The following RPS6KA6 variants were observed in gnomAD, a reference collection of about 807,000 sequenced individuals.
RPS6KA6 encodes the protein ribosomal protein S6 kinase A6.
A neutral mutation model predicts 65.4 loss-of-function variants in RPS6KA6; 27 were observed. The observed-to-expected ratio is 0.41, with a 90% confidence interval of 0.30 to 0.57. RPS6KA6 has a LOEUF of 0.57. Ranked by LOEUF, RPS6KA6 falls within the 20% of genes least tolerant of loss-of-function variation. The probability of loss-of-function intolerance (pLI) is 0.24; values close to 1 mark genes in which losing one functional copy is unlikely to be tolerated. For synonymous variants in RPS6KA6, 190 were observed against 184.2 expected (o/e 1.03, Z -0.26); for missense variants, 486 against 555.6 (o/e 0.87, Z 1.26).
At chrX:84,166,782 T>C (rs769719608) in intron 1 of RPS6KA6, among the ~76,000 whole-genome samples, 2 of 111,555 alleles carry the variant, frequency 1.8e-5, no homozygotes, top group South Asian at 7.5e-4. Context: ...ATGGAGGTCA[T>C]AACTAAAGGG....
chrX:84,064,333 C>T lies in RPS6KA6; in HGVS notation c.2182G>A (p.Ala728Thr). ...CTCCGTCGCTGGGCTAAGCTTGAAG[C>T]AGCTACAGGCTCTAGGACTGGTTGA... Reference protein sequence around the residue: ...TFQPVLEPVAASSLAQRRSMK... With the variant: ...TFQPVLEPVATSSLAQRRSMK... The change falls in exon 22 of 22, where the codon GCT becomes ACT. Residue 728 changes from alanine (A) to threonine (T), a missense_variant. Ala to Thr is a moderately conservative substitution (Grantham distance 58). Coordinates refer to ENST00000262752, the MANE Select transcript of RPS6KA6 (RefSeq NM_014496.5). The T allele has an allele frequency of 8.3e-7, 1 of 1,208,215 alleles. No individual in the cohort carries two copies. Among genetic ancestry groups the T allele is most frequent in the Non-Finnish European group, 1.1e-6 (1 of 893,638 alleles).
In RPS6KA6 at chrX:84,059,013, T is replaced by C. The variant is rs2147300391; in HGVS notation, c.*5264A>G. On this transcript the variant is annotated 3_prime_UTR_variant, in exon 22 of 22. Transcript: ENST00000262752. ...AAAAACCACCTTCTCCTTTTTTTTG[T>C]ACTATGGAATTTAATGCAAGATAAA... 2 of 107,672 alleles carry C rather than the reference T, an allele frequency of 1.9e-5. No individual in the cohort carries two copies. Among genetic ancestry groups the C allele is most frequent in the Non-Finnish European group, 3.8e-5 (2 of 52,131 alleles). The allele number at this position is 107,672 out of a possible 1,213,427, so 8.9% of individuals were successfully genotyped here.
intron 6 of RPS6KA6, among the ~76,000 whole-genome samples, chrX:84,137,901 C>T (rs889753259): frequency 6.3e-5 from 7 of 111,487 alleles, no homozygotes; most frequent in African/African-American, 2.3e-4. Context: ...GTTCAGTAAT[C>T]CTTAATTTTT....
At chrX:84,153,097 A>T (rs1037591165) in intron 3 of RPS6KA6, among the ~76,000 whole-genome samples, 2 of 111,592 alleles carry the variant, frequency 1.8e-5, no homozygotes, top group African/African-American at 6.5e-5. Flanking sequence ...TGCTGTTTGA[A>T]GAGAAAGAAC....
chrX:84,108,761 C>T (rs1292370459), intron 12 of RPS6KA6, among the ~76,000 whole-genome samples: 1 of 111,736 alleles, frequency 8.9e-6, no homozygotes, highest in East Asian at 2.8e-4. Context: ...AGCAGCCTGG[C>T]GCCGGCTGCT....
At chrX:84,133,075 C>A (rs2034930995) in intron 8 of RPS6KA6, among the ~76,000 whole-genome samples, 1 of 111,239 alleles carries the variant, frequency 9.0e-6, no homozygotes. Flanking sequence ...ACTCTTAAAC[C>A]CATTTATGCC....
At chrX:84,171,469 C>T (rs767374949) in intron 1 of RPS6KA6, among the ~76,000 whole-genome samples, 2 of 111,833 alleles carry the variant, frequency 1.8e-5, no homozygotes, top group Admixed American at 1.9e-4. Flanking sequence ...ATTAAACTCA[C>T]ATATTTGTTC....
chrX:84,096,981 G>C (rs890720558), intron 19 of RPS6KA6, among the ~76,000 whole-genome samples: 1 of 111,122 alleles, frequency 9.0e-6, no homozygotes, highest in African/African-American at 3.3e-5. Context: ...AATGTACTGA[G>C]ATGTGTAATT....
intron 3 of RPS6KA6, among the ~76,000 whole-genome samples, chrX:84,154,947 T>C (rs2035390725): frequency 8.9e-6 from 1 of 112,135 alleles, no homozygotes; most frequent in Admixed American, 9.5e-5. Flanking sequence ...GTTCAATAAA[T>C]GTCTTTCCTT....
chrX:84,150,977 GGA>G (rs2035301061), intron 3 of RPS6KA6, among the ~76,000 whole-genome samples: 1 of 91,076 alleles, frequency 1.1e-5, no homozygotes, highest in Admixed American at 1.3e-4. Flanking sequence ...GATATATATA[GGA>G]TATATATATA....
intron 20 of RPS6KA6, among the ~76,000 whole-genome samples, chrX:84,092,264 AT>A (rs749780470): frequency 1.2e-4 from 13 of 111,116 alleles, no homozygotes; most frequent in Non-Finnish European, 2.1e-4. Context: ...AATAGACAAA[AT>A]AAAGCACCAG....
intron 6 of RPS6KA6, among the ~76,000 whole-genome samples, chrX:84,140,169 G>A (rs1430990940): frequency 9.0e-6 from 1 of 111,230 alleles, no homozygotes; most frequent in Non-Finnish European, 1.9e-5. Flanking sequence ...CTCACGATGG[G>A]CCAGGAATAG....
chrX:84,108,593 C>A (rs1445309145), intron 12 of RPS6KA6, among the ~76,000 whole-genome samples: 1 of 109,432 alleles, frequency 9.1e-6, no homozygotes, highest in African/African-American at 3.3e-5. Flanking sequence ...AGTGAGAGAC[C>A]CCCAGGATTC....
chrX:84,095,899 T>C (rs996300637), intron 20 of RPS6KA6, among the ~76,000 whole-genome samples: 2 of 111,894 alleles, frequency 1.8e-5, no homozygotes, highest in African/African-American at 6.5e-5. Context: ...AAATAAACTT[T>C]AGTTGGCTTT....
chrX:84,084,500 G>T (rs928090566), intron 20 of RPS6KA6, among the ~76,000 whole-genome samples: 2 of 111,816 alleles, frequency 1.8e-5, no homozygotes, highest in African/African-American at 6.5e-5. Flanking sequence ...TCTCAGGTTT[G>T]TCAAAGATCA....
At chrX:84,093,810 A>C (rs995131191) in intron 20 of RPS6KA6, among the ~76,000 whole-genome samples, 1 of 111,860 alleles carries the variant, frequency 8.9e-6, no homozygotes, top group African/African-American at 3.3e-5. Flanking sequence ...GTGAATTCAC[A>C]TAACGCTTAG....
chrX:84,064,595 T>C (rs2033360244), intron 21 of RPS6KA6, among the ~76,000 whole-genome samples, 193 bp from the exon 22 acceptor site: 1 of 112,268 alleles, frequency 8.9e-6, no homozygotes, highest in Non-Finnish European at 1.9e-5. Flanking sequence ...CTATGCTTTT[T>C]ACAAAAAATT....
At chrX:84,170,581 G>C in intron 1 of RPS6KA6, among the ~76,000 whole-genome samples, 1 of 111,065 alleles carries the variant, frequency 9.0e-6, no homozygotes, top group Middle Eastern at 4.6e-3. Flanking sequence ...AGTGAGCCAA[G>C]ATCACGCCAC....
chrX:84,087,145 C>T (rs904146439), intron 20 of RPS6KA6, among the ~76,000 whole-genome samples: 1 of 111,043 alleles, frequency 9.0e-6, no homozygotes, highest in Admixed American at 9.6e-5. Context: ...GGAATTTAGC[C>T]TATTTACATT....
Sources: allele counts gnomAD v4.1 joint callset (sites outside exome capture counted in the v4.1 genomes callset), GRCh38; gene constraint gnomAD v4.1.1; transcripts MANE v1.5; gene names NCBI Gene and HGNC (gene_info 2026-07-23, HGNC 2026-07-21).